The following CBY2 variants were observed in gnomAD, a reference collection of about 807,000 sequenced individuals.
CBY2 encodes chibby family member 2.
A neutral mutation model predicts 25.3 loss-of-function variants in CBY2; 23 were observed. The observed-to-expected ratio is 0.91, with a 90% CI of 0.65 to 1.29. The LOEUF (loss-of-function observed/expected upper bound fraction) is 1.29, where lower values mean the gene tolerates loss of function less well. Ranked by LOEUF, CBY2 falls within the 50% of genes most tolerant of loss-of-function variation. The pLI, the probability that CBY2 is intolerant of heterozygous loss-of-function variation, is 0.00. For synonymous variants in CBY2, 279 were observed against 260.2 expected (o/e 1.07, Z -0.70); for missense variants, 642 against 590.7 (o/e 1.09, Z -0.90).
At chr13:45,702,664 T>C (rs1950216387) in intron 1 of CBY2, 111 bp from the exon 2 acceptor site, 2 of 966,806 alleles carry the variant, frequency 2.1e-6, no homozygotes, top group Non-Finnish European at 1.6e-6. Context: ...TTGTACATAA[T>C]TGACAAGAGA....
rs1158861196 is a variant in CBY2 at position 45,703,564 on chromosome 13, A to C, written c.156+709A>C. ...GGGCCATGCAACCAGAGGGGTTGAA[A>C]TGTAGGATGGAGGAATCCAATGCAG... On this transcript the variant is annotated intron_variant, in intron 2 of 2. Transcript: ENST00000310521. 5 of 1,550,954 alleles carry C rather than the reference A, an allele frequency of 3.2e-6. No homozygotes were observed. In the Admixed American group the frequency reaches 9.8e-5, roughly 30 times the overall value.
intron 2 of CBY2, among the ~76,000 whole-genome samples, chr13:45,710,329 C>T (rs1950262495): frequency 6.6e-6 from 1 of 152,146 alleles, no homozygotes; most frequent in Non-Finnish European, 1.5e-5. Context: ...TCGAGACCAT[C>T]CTGGCCAACA....
intron 2 of CBY2, chr13:45,703,500 G>T: frequency 6.5e-7 from 1 of 1,550,380 alleles, no homozygotes; most frequent in Non-Finnish European, 8.7e-7. Flanking sequence ...GGGTGGCTTT[G>T]CTTTCTCCAG....
In CBY2 at chr13:45,713,222, A is replaced by G. The variant is rs767142873; in HGVS notation, c.197A>G (p.Tyr66Cys). Residue 66 changes from tyrosine to cysteine, a missense_variant, in exon 3 of 3, where the codon TAC becomes TGC. Tyr to Cys is a radical substitution (Grantham distance 194). Transcript: ENST00000310521. The surrounding 1 kb of genome is among the most constrained non-coding windows in gnomAD (Gnocchi z 5.0). ...AEPFPRLHNL[Y>C]STPRCAQQAA... ...CCCTTCCCGAGGCTCCACAACTTGT[A>G]CAGCACCCCTCGCTGCGCGCAGCAG... 13 of 1,613,332 alleles carry G rather than the reference A, an allele frequency of 8.1e-6. No homozygotes were observed. In the African/African-American group the frequency reaches 1.2e-4, roughly 15 times the overall value.
Position 45,712,182 on chromosome 13 carries a change from G to A in CBY2, c.157-1000G>A, listed in dbSNP as rs192781398. On this transcript the variant is annotated intron_variant, in intron 2 of 2. Coordinates refer to ENST00000310521, the MANE Select transcript of CBY2 (RefSeq NM_152719.3). The stretch of plus-strand genomic sequence containing the variant: ...GTGGTGGCCCTTGAGAACAGTGTTT[G>A]TTCCTCCTTTAGGGTGACAGAATGT... 2.0e-5 allele frequency among the ~76,000 whole-genome samples: 3 copies of A among 152,342 alleles called. No homozygotes were observed. In the East Asian group the frequency reaches 5.8e-4, roughly 29 times the overall value.
chr13:45,713,617 GTCT>G lies in CBY2; in HGVS notation c.596_598del (p.Phe199del), dbSNP rs760286180. ...CAGCAAGGAGAACAAGATCCTACAG[GTCT>G]TCTGGGAGGAGCACAAGGCCTCGCT... is the stretch of plus-strand genomic sequence containing the variant. On this transcript the variant is annotated inframe_deletion, in exon 3 of 3. Coordinates refer to ENST00000310521, the MANE Select transcript of CBY2 (RefSeq NM_152719.3). The surrounding 1 kb of genome is among the most constrained non-coding windows in gnomAD (Gnocchi z 5.0). 6.2e-7 allele frequency: 1 copy of G among 1,613,674 alleles called. No homozygotes were observed. The highest frequency in any genetic ancestry group is 1.1e-5 in the South Asian group (1 of 91,060).
chr13:45,705,617 C>T (rs1308557186), intron 2 of CBY2, among the ~76,000 whole-genome samples: 1 of 152,242 alleles, frequency 6.6e-6, no homozygotes, highest in East Asian at 1.9e-4. Context: ...ACATCAATCA[C>T]ATTTACCTTG....
Position 45,713,304 on chromosome 13 carries a change from C to T in CBY2, c.279C>T (p.Asn93=), listed in dbSNP as rs1422618550. The T allele has an allele frequency of 1.2e-6, 2 of 1,614,140 alleles. No homozygotes were observed. The highest frequency in any genetic ancestry group is 1.7e-5 in the Admixed American group (1 of 60,034). The change falls in exon 3 of 3, where the codon AAC becomes AAT. Residue 93 remains asparagine, a synonymous_variant. Coordinates refer to ENST00000310521, the MANE Select transcript of CBY2 (RefSeq NM_152719.3). This position sits in a 1 kb window ranked among gnomAD's most constrained non-coding sequence, Gnocchi z 5.0. Reference sequence around the variant, plus strand: ...CGAGCCAGCACTCCTATCCACTGAACCGCTTCTCCTCCGTGCCTTTAGACC... The same window carrying T: ...CGAGCCAGCACTCCTATCCACTGAATCGCTTCTCCTCCGTGCCTTTAGACC... ...RMASQHSYPL[N]RFSSVPLDPM...
rs1296449627 is a variant in CBY2 at position 45,702,772 on chromosome 13, C to T, written c.76-3C>T. ...TAATCTTCTTCTTTTCTCGTTTCCACAGCACTCAAGGCCAAATTATACAAG... is the reference window on the plus strand; with the variant it reads ...TAATCTTCTTCTTTTCTCGTTTCCATAGCACTCAAGGCCAAATTATACAAG... On this transcript the variant is annotated splice_polypyrimidine_tract_variant and splice_region_variant and intron_variant, in intron 1 of 2. Transcript: ENST00000310521. The T allele has an allele frequency of 3.1e-6, 5 of 1,613,080 alleles. No individual in the cohort carries two copies. Among genetic ancestry groups the T allele is most frequent in the Non-Finnish European group, 4.2e-6 (5 of 1,179,226 alleles).
In CBY2 at chr13:45,713,603, A is replaced by G; in HGVS notation, c.578A>G (p.Asn193Ser). ...REENRMLSKE[N>S]KILQVFWEEH... Reference sequence around the variant, plus strand: ...GAGAACCGGATGCTCAGCAAGGAGAACAAGATCCTACAGGTCTTCTGGGAG... The same window carrying G: ...GAGAACCGGATGCTCAGCAAGGAGAGCAAGATCCTACAGGTCTTCTGGGAG... The change falls in exon 3 of 3, where the codon AAC becomes AGC. Residue 193 changes from asparagine (N) to serine (S), a missense_variant. Asn to Ser is a conservative substitution (Grantham distance 46, BLOSUM62 1). Transcript: ENST00000310521. The surrounding 1 kb of genome is among the most constrained non-coding windows in gnomAD (Gnocchi z 5.0). The G allele has an allele frequency of 6.2e-7, 1 of 1,613,996 alleles. No individual in the cohort carries two copies. Among genetic ancestry groups the G allele is most frequent in the East Asian group, 2.2e-5 (1 of 44,840 alleles).
chr13:45,707,307 A>G (rs1950245172), intron 2 of CBY2, among the ~76,000 whole-genome samples: 1 of 151,928 alleles, frequency 6.6e-6, no homozygotes, highest in African/African-American at 2.4e-5. Flanking sequence ...CGTGAGGAAA[A>G]CTCCATGCTT....
rs1360714986 is a variant in CBY2 at position 45,702,863 on chromosome 13, T to C, written c.156+8T>C. On this transcript the variant is annotated splice_region_variant and intron_variant, in intron 2 of 2. Coordinates refer to ENST00000310521, the MANE Select transcript of CBY2 (RefSeq NM_152719.3). ...AGTGTGGTTCTACCTCAGGTAGGGATAATCACAGAAGGATGTAACCTATCA... is the reference window on the plus strand; with the variant it reads ...AGTGTGGTTCTACCTCAGGTAGGGACAATCACAGAAGGATGTAACCTATCA... 3.1e-6 allele frequency: 5 copies of C among 1,599,488 alleles called. No individual in the cohort carries two copies. The South Asian group carries it at 4.4e-5, about 14-fold the overall frequency.
Position 45,714,304 on chromosome 13 carries a change from CTCA to C in CBY2, c.1282_1284del (p.Ile428del), listed in dbSNP as rs751577479. 10 of 1,613,166 alleles carry C rather than the reference CTCA, an allele frequency of 6.2e-6. 1 individual carries two copies. The East Asian group carries it at 2.2e-4, about 36-fold the overall frequency. On this transcript the variant is annotated inframe_deletion, in exon 3 of 3. Coordinates refer to ENST00000310521, the MANE Select transcript of CBY2 (RefSeq NM_152719.3). ...CGAGGTCACCGCGCGCATGGAAATG[CTCA>C]TCGAGGAGCTCTACGCCTTCATGCC...
At position 45,713,531 on chromosome 13, in the gene CBY2, A is replaced by G; in HGVS notation, c.506A>G (p.Gln169Arg). 1 of 1,614,138 alleles carries G rather than the reference A, an allele frequency of 6.2e-7. No homozygotes were observed. Among genetic ancestry groups the G allele is most frequent in the Non-Finnish European group, 8.5e-7 (1 of 1,179,980 alleles). Residue 169 changes from glutamine (Q) to arginine (R), a missense_variant, in exon 3 of 3, where the codon CAG becomes CGG. Transcript: ENST00000310521. The surrounding 1 kb of genome is among the most constrained non-coding windows in gnomAD (Gnocchi z 5.0). ...AGGCTGGCCAAGGAGTGCATGCTGCAGGAGGAGAACAAGTCTCTGCGGGAG... is the reference window on the plus strand; with the variant it reads ...AGGCTGGCCAAGGAGTGCATGCTGCGGGAGGAGAACAAGTCTCTGCGGGAG... ...HKRLAKECML[Q>R]EENKSLREEN...
At chr13:45,703,472 T>G (rs976292408) in intron 2 of CBY2, 2 of 1,548,308 alleles carry the variant, frequency 1.3e-6, no homozygotes, top group Admixed American at 2.0e-5. Context: ...TTGTTTCTAC[T>G]GCTGCTATGT....
In CBY2 at chr13:45,713,968, C is replaced by A; in HGVS notation, c.943C>A (p.Pro315Thr). Residue 315 changes from proline to threonine, a missense_variant, in exon 3 of 3, where the codon CCG becomes ACG. Coordinates refer to ENST00000310521, the MANE Select transcript of CBY2 (RefSeq NM_152719.3). The surrounding 1 kb of genome is among the most constrained non-coding windows in gnomAD (Gnocchi z 5.0). ...CCGCTTCGAGGAGCCCAAAGGGCCT[C>A]CGGCCCGGCAGGAGGACTCCAAGGA... Reference protein sequence around the residue: ...SSRFEEPKGPPARQEDSKELR... With the variant: ...SSRFEEPKGPTARQEDSKELR... The A allele has an allele frequency of 1.3e-6, 2 of 1,519,114 alleles. No individual in the cohort carries two copies. 94.1% of individuals were successfully genotyped at this position (1,519,114 alleles called of 1,614,324 possible).
At position 45,703,705 on chromosome 13, in the gene CBY2, A is replaced by C. The variant is rs1950224375; in HGVS notation, c.156+850A>C. Reference sequence around the variant, plus strand: ...GCAAGTATGTTCAGCGGGAGGCAAAAATATGGAAGAAGAAAACATCCTGGA... The same window carrying C: ...GCAAGTATGTTCAGCGGGAGGCAAACATATGGAAGAAGAAAACATCCTGGA... On this transcript the variant is annotated intron_variant, in intron 2 of 2. Coordinates refer to ENST00000310521, the MANE Select transcript of CBY2 (RefSeq NM_152719.3). The C allele has an allele frequency of 1.1e-5, 9 of 802,480 alleles. 1 individual carries two copies. In the South Asian group the frequency reaches 1.4e-4, roughly 12 times the overall value. The allele number at this position is 802,480 out of a possible 1,614,324, so 49.7% of individuals were successfully genotyped here. A position where few individuals can be genotyped will look rare whatever the true frequency, so the allele number is the denominator to read the frequency against.
intron 2 of CBY2, among the ~76,000 whole-genome samples, chr13:45,709,723 A>G (rs1886792): frequency 0.65 from 98,720 of 152,048 alleles, 32,301 homozygotes; most frequent in Non-Finnish European, 0.69. Flanking sequence ...ATACTTGGTG[A>G]AGCTGAGTGA....
rs781706099 is a variant in CBY2, at chr13:45,714,021, C to T, written c.996C>T (p.Ser332=). The change falls in exon 3 of 3, where the codon AGC becomes AGT. Residue 332 remains serine, a synonymous_variant. Transcript: ENST00000310521. ...TGCGCGCCCTGCGGAAGATGGTCAG[C>T]AACATGTCCGGGCCCTCCGGGGAGG... ...KELRALRKMV[S]NMSGPSGEEE... The T allele has an allele frequency of 3.6e-5, 54 of 1,488,242 alleles. No individual in the cohort carries two copies. Among genetic ancestry groups the T allele is most frequent in the Non-Finnish European group, 4.6e-5 (52 of 1,118,956 alleles). 92.2% of individuals were successfully genotyped at this position (1,488,242 alleles called of 1,614,324 possible). A position where few individuals can be genotyped will look rare whatever the true frequency, so the allele number is the denominator to read the frequency against.
Sources: allele counts gnomAD v4.1 joint callset (sites outside exome capture counted in the v4.1 genomes callset), GRCh38; gene constraint gnomAD v4.1.1; non-coding constraint Gnocchi (gnomAD v3.1); transcripts MANE v1.5; gene names NCBI Gene and HGNC (gene_info 2026-07-23, HGNC 2026-07-21).